Variants in MOB1B observed in about 807,000 individuals in gnomAD.
MOB1B encodes MOB kinase activator 1B.
In MOB1B, 19 loss-of-function variants were observed where a neutral mutation model predicts 24.4. That is an observed-to-expected ratio of 0.78 (90% CI 0.54 to 1.14). The LOEUF is 1.14. Among genes scored for constraint, MOB1B ranks in the 50% most tolerant of loss-of-function variants. The pLI, the probability that MOB1B is intolerant of heterozygous loss-of-function variation, is 0.00. For synonymous variants in MOB1B, 76 were observed against 82.1 expected (o/e 0.93, Z 0.40); for missense variants, 243 against 259.6 (o/e 0.94, Z 0.44).
intron 1 of MOB1B, among the ~76,000 whole-genome samples, chr4:70,939,783 T>C: frequency 6.6e-6 from 1 of 152,244 alleles, no homozygotes; most frequent in Non-Finnish European, 1.5e-5. Flanking sequence ...TTGAGACCTC[T>C]TGCCTAACAA....
At chr4:70,908,210 A>G (rs1241720180) in intron 1 of MOB1B, among the ~76,000 whole-genome samples, 1 of 150,448 alleles carries the variant, frequency 6.6e-6, no homozygotes, top group East Asian at 2.0e-4. Flanking sequence ...TTGTATTTTT[A>G]GTAGAGACAG....
At position 70,979,215 on chromosome 4, in the gene MOB1B, A is replaced by G. The variant is rs1282680304; in HGVS notation, c.497A>G (p.His166Arg). The change falls in exon 5 of 6, where the codon CAT becomes CGT. Residue 166 changes from histidine to arginine, a missense_variant. Coordinates refer to ENST00000309395, the MANE Select transcript of MOB1B (RefSeq NM_173468.4). Reference sequence around the variant, plus strand: ...GTTTATGCTCACATTTATCATCAGCATTTTGACCCTGTGATCCAGCTTCAG... The same window carrying G: ...GTTTATGCTCACATTTATCATCAGCGTTTTGACCCTGTGATCCAGCTTCAG... ...FRVYAHIYHQ[H>R]FDPVIQLQEE... 1 of 1,613,828 alleles carries G rather than the reference A, an allele frequency of 6.2e-7. No individual in the cohort carries two copies. The highest frequency in any genetic ancestry group is 8.5e-7 in the Non-Finnish European group (1 of 1,179,786).
chr4:70,911,399 T>G (rs1735983283), intron 1 of MOB1B, among the ~76,000 whole-genome samples: 1 of 151,426 alleles, frequency 6.6e-6, no homozygotes, highest in African/African-American at 2.4e-5. Flanking sequence ...ATCTTACATA[T>G]ATGTCATATA....
At chr4:70,943,111 C>G (rs1195102463) in intron 1 of MOB1B, among the ~76,000 whole-genome samples, 1 of 152,160 alleles carries the variant, frequency 6.6e-6, no homozygotes, top group Non-Finnish European at 1.5e-5. Context: ...TGAAACATTT[C>G]TGTCACCCTA....
At chr4:70,944,041 A>G (rs2148886465) in intron 1 of MOB1B, among the ~76,000 whole-genome samples, 1 of 152,290 alleles carries the variant, frequency 6.6e-6, no homozygotes, top group East Asian at 1.9e-4. Context: ...GGCAACTGCT[A>G]GATATCTGTA....
At chr4:70,942,750 A>G (rs1249154310) in intron 1 of MOB1B, 3 of 397,292 alleles carry the variant, frequency 7.6e-6, no homozygotes, top group Non-Finnish European at 1.0e-5. Flanking sequence ...GGATTTCTGT[A>G]TCTGGGTTTA....
intron 1 of MOB1B, among the ~76,000 whole-genome samples, chr4:70,946,373 G>C (rs1351136904): frequency 6.6e-6 from 1 of 152,084 alleles, no homozygotes; most frequent in Non-Finnish European, 1.5e-5. Flanking sequence ...TTATGTTTCA[G>C]CTTCTGTGTT....
At chr4:70,980,542 C>T (rs1194950338) in intron 5 of MOB1B, among the ~76,000 whole-genome samples, 1 of 152,130 alleles carries the variant, frequency 6.6e-6, no homozygotes. Context: ...TATACAGTAT[C>T]ACTGTTTGAT....
At chr4:70,946,603 G>A (rs1003498344) in intron 1 of MOB1B, among the ~76,000 whole-genome samples, 3 of 152,126 alleles carry the variant, frequency 2.0e-5, no homozygotes, top group African/African-American at 7.2e-5. Context: ...CATATATATA[G>A]TCATTTGTTA....
rs1739423824 is a variant in MOB1B at position 70,987,717 on chromosome 4, A to G, written c.*5660A>G. 6.6e-6 allele frequency: 1 copy of G among 152,242 alleles called. No homozygotes were observed. The highest frequency in any genetic ancestry group is 2.4e-5 in the African/African-American group (1 of 41,452). The allele number at this position is 152,242 out of a possible 1,614,324, so 9.4% of individuals were successfully genotyped here. On this transcript the variant is annotated 3_prime_UTR_variant, in exon 6 of 6. Coordinates refer to ENST00000309395, the MANE Select transcript of MOB1B (RefSeq NM_173468.4). ...GAGAACACTTAAAGTTCAAATAGAA[A>G]TCATTTCTGAAGACAAAAGCAGAGG...
chr4:70,927,896 C>A (rs916174063), intron 1 of MOB1B, among the ~76,000 whole-genome samples: 1 of 152,180 alleles, frequency 6.6e-6, no homozygotes, highest in East Asian at 1.9e-4. Context: ...CAGCCTCATC[C>A]GTGCCTTCCT....
At chr4:70,946,906 G>T (rs534676772) in intron 1 of MOB1B, among the ~76,000 whole-genome samples, 9 of 152,290 alleles carry the variant, frequency 5.9e-5, no homozygotes, top group African/African-American at 2.2e-4. Context: ...TTTCTCTTAA[G>T]CCTAGTGAGT....
intron 2 of MOB1B, among the ~76,000 whole-genome samples, chr4:70,967,133 GT>G (rs1437587145): frequency 6.7e-6 from 1 of 150,372 alleles, no homozygotes; most frequent in Admixed American, 6.6e-5. Context: ...TGTTACTGGA[GT>G]CTTTTTTTTT....
intron 1 of MOB1B, among the ~76,000 whole-genome samples, chr4:70,950,037 G>C (rs1293718804): frequency 1.3e-5 from 2 of 152,106 alleles, no homozygotes; most frequent in Non-Finnish European, 2.9e-5. Context: ...TGTGTTGTTC[G>C]TGAATGACTT....
At position 70,987,851 on chromosome 4, in the gene MOB1B, TCTTATAA is replaced by T. The variant is rs1262374263; in HGVS notation, c.*5795_*5801del. 5.9e-5 allele frequency: 9 copies of T among 152,588 alleles called. No homozygotes were observed. The highest frequency in any genetic ancestry group is 2.2e-4 in the African/African-American group (9 of 41,426). The allele number at this position is 152,588 out of a possible 1,614,324, so 9.5% of individuals were successfully genotyped here. A position where few individuals can be genotyped will look rare whatever the true frequency, so the allele number is the denominator to read the frequency against. On this transcript the variant is annotated 3_prime_UTR_variant, in exon 6 of 6. Transcript: ENST00000309395. The stretch of plus-strand genomic sequence containing the variant: ...ACTACTCTCATGGAGACAGTTTCTC[TCTTATAA>T]TCAAGTAACTAGAAGGGGAAAAATC...
chr4:70,962,878 C>T (rs1028500612), intron 2 of MOB1B, among the ~76,000 whole-genome samples: 11 of 151,940 alleles, frequency 7.2e-5, no homozygotes, highest in African/African-American at 2.4e-4. Flanking sequence ...GTGGTGTATC[C>T]CTGTAGTCCC....
intron 1 of MOB1B, among the ~76,000 whole-genome samples, chr4:70,947,510 C>G (rs913304342): frequency 3.9e-4 from 59 of 152,166 alleles, no homozygotes; most frequent in Non-Finnish European, 1.0e-4. Flanking sequence ...ATTTTAACAG[C>G]TCTTTGTATA....
chr4:70,937,221 A>G (rs190087954), intron 1 of MOB1B, among the ~76,000 whole-genome samples: 5 of 151,318 alleles, frequency 3.3e-5, no homozygotes, highest in Admixed American at 1.3e-4. Flanking sequence ...CCCGTTCTCT[A>G]ATACTTTTTT....
chr4:70,976,757 TA>T, intron 4 of MOB1B: 2 of 199,754 alleles, frequency 1.0e-5, no homozygotes, highest in Non-Finnish European at 1.7e-5. Context: ...GAATTACATA[TA>T]TATATATATA....
Sources: gnomAD v4.1 joint callset for allele counts (sites outside exome capture counted in the v4.1 genomes callset) on GRCh38, gnomAD v4.1.1 for gene constraint, MANE v1.5 for transcripts, NCBI Gene and HGNC (gene_info 2026-07-23, HGNC 2026-07-21) for gene names.